The following PLEKHA7 variants were observed in gnomAD, a reference collection of about 807,000 sequenced individuals.
The protein encoded by PLEKHA7 is pleckstrin homology domain-containing family A member 7.
PLEKHA7 carries 104 observed loss-of-function variants against 170.0 expected under a neutral mutation model. That is an observed-to-expected ratio of 0.61 (90% CI 0.52 to 0.72). The LOEUF (loss-of-function observed/expected upper bound fraction) is 0.72, where lower values mean the gene tolerates loss of function less well. Among genes scored for constraint, PLEKHA7 ranks in the 30% least tolerant of loss-of-function variants. The probability of loss-of-function intolerance (pLI) is 0.00; values close to 1 mark genes in which losing one functional copy is unlikely to be tolerated. For synonymous variants in PLEKHA7, 648 were observed against 660.8 expected, an observed-to-expected ratio of 0.98 and a Z score of 0.30; for missense variants, 1,615 against 1,671.7, an observed-to-expected ratio of 0.97 and a Z score of 0.59.
intron 16 of PLEKHA7, 116 bp from the exon 17 acceptor site, chr11:16,801,191 C>T (rs1422371145): frequency 2.9e-5 from 25 of 860,722 alleles, no homozygotes; most frequent in Non-Finnish European, 4.3e-5. Flanking sequence ...GGAAGGAGAC[C>T]GGGCAGGCCT....
chr11:16,914,451 A>G (rs1858489261), intron 3 of PLEKHA7, among the ~76,000 whole-genome samples: 1 of 152,196 alleles, frequency 6.6e-6, no homozygotes, highest in African/African-American at 2.4e-5. Flanking sequence ...CTCGCTTCCA[A>G]AATGGCCCTG....
chr11:16,817,555 GC>G lies in PLEKHA7; in HGVS notation c.1344-234del, dbSNP rs1849870336. 1.1e-5 allele frequency: 5 copies of G among 469,014 alleles called. No individual in the cohort carries two copies. Among genetic ancestry groups the G allele is most frequent in the Non-Finnish European group, 3.8e-6 (1 of 266,164 alleles). The allele number at this position is 469,014 out of a possible 1,614,324, so 29.1% of individuals were successfully genotyped here. On this transcript the variant is annotated intron_variant, in intron 10 of 26. Transcript: ENST00000531066. This position sits in a 1 kb window ranked among gnomAD's most constrained non-coding sequence, Gnocchi z 4.4. ...TGCCAGGACAACTTGGCTACCCCAT[GC>G]CCATCACTTGGAGTGCAATGTGATT...
chr11:16,798,885 G>A (rs1159901034), intron 17 of PLEKHA7, among the ~76,000 whole-genome samples: 3 of 152,138 alleles, frequency 2.0e-5, no homozygotes, highest in Admixed American at 1.3e-4. Context: ...AAAGCAAAAC[G>A]CTGAAAATAA....
intron 15 of PLEKHA7, among the ~76,000 whole-genome samples, 169 bp downstream of exon 15, chr11:16,802,803 T>C (rs774114722): frequency 3.9e-5 from 6 of 152,080 alleles, no homozygotes; most frequent in Admixed American, 6.6e-5. Context: ...GCCTTGGCCT[T>C]CCAAAGTGCT....
chr11:16,859,487 G>A (rs1853755521), intron 4 of PLEKHA7, among the ~76,000 whole-genome samples: 1 of 152,204 alleles, frequency 6.6e-6, no homozygotes. Context: ...AACTTCTAGT[G>A]GTGATTTACC....
intron 3 of PLEKHA7, among the ~76,000 whole-genome samples, chr11:17,005,726 A>G (rs933315205): frequency 4.6e-5 from 7 of 152,212 alleles, no homozygotes; most frequent in Admixed American, 3.9e-4. Context: ...ACGTTTCCTT[A>G]AAGAAGTTTC....
At position 17,013,972 on chromosome 11, in the gene PLEKHA7, C is replaced by T. The variant is rs1055048837; in HGVS notation, c.221+17G>A. The T allele has an allele frequency of 3.3e-6, 5 of 1,531,652 alleles. No individual in the cohort carries two copies. In the African/African-American group the frequency reaches 4.2e-5, roughly 13 times the overall value. The allele number at this position is 1,531,652 out of a possible 1,614,324, so 94.9% of individuals were successfully genotyped here. A position where few individuals can be genotyped will look rare whatever the true frequency, so the allele number is the denominator to read the frequency against. On this transcript the variant is annotated intron_variant, in intron 3 of 26. Coordinates refer to ENST00000531066, the MANE Select transcript of PLEKHA7 (RefSeq NM_001329630.2). ...CCCCGCGGCACAGGTGCGAGCGCGGCGGCCCCACTCACTCACTCGATGAAG... is the reference window on the plus strand; with the variant it reads ...CCCCGCGGCACAGGTGCGAGCGCGGTGGCCCCACTCACTCACTCGATGAAG...
intron 3 of PLEKHA7, among the ~76,000 whole-genome samples, chr11:16,945,766 A>G (rs765453432): frequency 5.9e-5 from 9 of 152,196 alleles, no homozygotes; most frequent in African/African-American, 9.6e-5. Flanking sequence ...AGGAGTCCCA[A>G]TGCTGGGAGG....
At position 16,861,582 on chromosome 11, in the gene PLEKHA7, G is replaced by A. The variant is rs2135537189; in HGVS notation, c.306-5668C>T. On this transcript the variant is annotated intron_variant, in intron 4 of 26. Transcript: ENST00000531066. ...AAGAACTGCTTGAACCTGGGAGGCA[G>A]AGGCTGTAGTGAGCCGAGATCACGT... 2.6e-5 allele frequency among the ~76,000 whole-genome samples: 4 copies of A among 152,254 alleles called. No individual in the cohort carries two copies. In the Middle Eastern group the frequency reaches 0.014, roughly 521 times the overall value.
In PLEKHA7 at chr11:16,782,909, C is replaced by G. The variant is rs770100843; in HGVS notation, c.3651-13G>C. 2.7e-5 allele frequency: 42 copies of G among 1,534,880 alleles called. No individual in the cohort carries two copies. Among genetic ancestry groups the G allele is most frequent in the Non-Finnish European group, 3.3e-5 (38 of 1,146,052 alleles). The stretch of plus-strand genomic sequence containing the variant: ...TAGGTTGCACATGCTGTAGGAGGGT[C>G]GGAAGCAGACCATGGGCCCTCCTGC... On this transcript the variant is annotated splice_polypyrimidine_tract_variant and intron_variant, in intron 25 of 26. Coordinates refer to ENST00000531066, the MANE Select transcript of PLEKHA7 (RefSeq NM_001329630.2).
intron 9 of PLEKHA7, among the ~76,000 whole-genome samples, chr11:16,841,144 G>C (rs564898375): frequency 6.6e-6 from 1 of 152,324 alleles, no homozygotes; most frequent in Non-Finnish European, 1.5e-5. Context: ...CAAGATCTCT[G>C]ATTATATGCT....
At chr11:16,945,108 G>GTAT (rs1173819880) in intron 3 of PLEKHA7, among the ~76,000 whole-genome samples, 6 of 151,966 alleles carry the variant, frequency 3.9e-5, no homozygotes, top group Non-Finnish European at 8.8e-5. Flanking sequence ...GCTAATTTTT[G>GTAT]TATTTTTAGT....
intron 8 of PLEKHA7, among the ~76,000 whole-genome samples, chr11:16,845,123 T>C (rs1273617708): frequency 6.6e-6 from 1 of 152,102 alleles, no homozygotes; most frequent in Non-Finnish European, 1.5e-5. Flanking sequence ...GGTAGCCATT[T>C]AAGTAATAGC....
intron 3 of PLEKHA7, among the ~76,000 whole-genome samples, chr11:16,922,633 A>C (rs1430847561): frequency 6.6e-6 from 1 of 152,140 alleles, no homozygotes; most frequent in African/African-American, 2.4e-5. Context: ...CAGGGTCTTT[A>C]GTCTATTTCT....
At chr11:16,971,350 T>C (rs1281042981) in intron 3 of PLEKHA7, among the ~76,000 whole-genome samples, 1 of 152,238 alleles carries the variant, frequency 6.6e-6, no homozygotes, top group African/African-American at 2.4e-5. Flanking sequence ...TTAGTTAATA[T>C]TTCACAGCAC....
chr11:16,945,626 T>C (rs1342685223), intron 3 of PLEKHA7, among the ~76,000 whole-genome samples: 1 of 152,214 alleles, frequency 6.6e-6, no homozygotes, highest in Admixed American at 6.5e-5. Context: ...AGAAGCTCCA[T>C]AAAGTTTCTA....
chr11:16,853,449 T>C (rs1853153819), intron 6 of PLEKHA7, among the ~76,000 whole-genome samples: 1 of 152,238 alleles, frequency 6.6e-6, no homozygotes, highest in South Asian at 2.1e-4. Flanking sequence ...AGACCTCTTA[T>C]CTATGCTTCC....
chr11:17,011,338 G>T (rs906274534), intron 3 of PLEKHA7, among the ~76,000 whole-genome samples: 6 of 152,028 alleles, frequency 3.9e-5, no homozygotes, highest in Non-Finnish European at 7.4e-5. Context: ...CTGCAGCATC[G>T]ACTTCTTCCT....
intron 3 of PLEKHA7, among the ~76,000 whole-genome samples, chr11:16,951,456 T>G (rs1351300484): frequency 6.6e-6 from 1 of 152,312 alleles, no homozygotes; most frequent in Non-Finnish European, 1.5e-5. Context: ...TTTACCTGGA[T>G]TGTCTCACTG....
Sources: gnomAD v4.1 joint callset for allele counts (sites outside exome capture counted in the v4.1 genomes callset) on GRCh38, gnomAD v4.1.1 for gene constraint, Gnocchi (gnomAD v3.1) non-coding constraint, MANE v1.5 for transcripts, NCBI Gene and HGNC (gene_info 2026-07-23, HGNC 2026-07-21) for gene names.